Variants in UBTD2 observed in about 807,000 individuals in gnomAD.
The protein encoded by UBTD2 is ubiquitin domain containing 2.
UBTD2 carries 9 observed loss-of-function variants against 19.8 expected under a neutral mutation model. The ratio of observed to expected loss-of-function variants is 0.46; its 90% confidence interval spans 0.27 to 0.79. UBTD2 has a LOEUF of 0.79. UBTD2 is among the 30% of genes least tolerant of loss of function. The pLI is 0.14. For missense variants in UBTD2, 250 were observed against 300.4 expected, an observed-to-expected ratio of 0.83 and a Z score of 1.24; for synonymous variants, 98 against 103.9, an observed-to-expected ratio of 0.94 and a Z score of 0.35.
chr5:172,235,483 G>C (rs1771988790), intron 1 of UBTD2, among the ~76,000 whole-genome samples: 1 of 152,086 alleles, frequency 6.6e-6, no homozygotes, highest in Admixed American at 6.6e-5. Context: ...TTTTTTTGAG[G>C]AACTGGGAGT....
At chr5:172,260,864 G>A (rs754139442) in intron 1 of UBTD2, among the ~76,000 whole-genome samples, 1 of 152,114 alleles carries the variant, frequency 6.6e-6, no homozygotes, top group African/African-American at 2.4e-5. Flanking sequence ...GAACTACTCC[G>A]ATTCATTTAG....
At chr5:172,233,287 T>C (rs952695705) in intron 2 of UBTD2, among the ~76,000 whole-genome samples, 3 of 152,112 alleles carry the variant, frequency 2.0e-5, no homozygotes, top group Non-Finnish European at 4.4e-5. Context: ...ATAGAATCAA[T>C]GCAAGGTGGT....
At position 172,283,716 on chromosome 5, in the gene UBTD2, CCGCCGCCGCCGCTGCAGCCTCCTCCGG is replaced by C. The variant is rs1471959991; in HGVS notation, c.-78_-52del. On this transcript the variant is annotated 5_prime_UTR_variant, in exon 1 of 3. Coordinates refer to ENST00000393792, the MANE Select transcript of UBTD2 (RefSeq NM_152277.3). The surrounding 1 kb of genome is among the most constrained non-coding windows in gnomAD (Gnocchi z 4.3). ...ACCTCCGGACGCTCGTCCGGGCCCG[CCGCCGCCGCCGCTGCAGCCTCCTCCGG>C]CGCCACCGCCGAGCTCCGGACAGGC... 8.5e-7 allele frequency: 1 copy of C among 1,170,822 alleles called. No individual in the cohort carries two copies. The highest frequency in any genetic ancestry group is 1.1e-6 in the Non-Finnish European group (1 of 942,254). 72.5% of individuals were successfully genotyped at this position (1,170,822 alleles called of 1,614,324 possible). A position where few individuals can be genotyped will look rare whatever the true frequency, so the allele number is the denominator to read the frequency against.
intron 1 of UBTD2, among the ~76,000 whole-genome samples, chr5:172,273,443 T>C (rs1755539204): frequency 6.6e-6 from 1 of 151,426 alleles, no homozygotes. Flanking sequence ...ATACAAAAAT[T>C]AGCCAGGTGT....
chr5:172,210,518 T>C lies in UBTD2; in HGVS notation c.*1312A>G, dbSNP rs560654198. 1.3e-5 allele frequency: 2 copies of C among 152,262 alleles called. No homozygotes were observed. The highest frequency in any genetic ancestry group is 2.1e-4 in the South Asian group (1 of 4,824). The allele number at this position is 152,262 out of a possible 1,614,324, so 9.4% of individuals were successfully genotyped here. ...ACTCTTGGCAGCTTTACTCCAGTCA[T>C]AGTATAGAAGAATCAGGTTATCTCC... On this transcript the variant is annotated 3_prime_UTR_variant, in exon 3 of 3. Transcript: ENST00000393792.
chr5:172,238,682 A>G (rs1772059558), intron 1 of UBTD2, among the ~76,000 whole-genome samples: 1 of 152,246 alleles, frequency 6.6e-6, no homozygotes, highest in African/African-American at 2.4e-5. Flanking sequence ...CATAATTTAA[A>G]GCATTCTACC....
intron 1 of UBTD2, among the ~76,000 whole-genome samples, chr5:172,270,995 TTCACATTTCACCTATCTCC>T (rs1755477480): frequency 6.6e-6 from 1 of 152,158 alleles, no homozygotes; most frequent in African/African-American, 2.4e-5. Context: ...TCTTAATAAC[TTCACATTTCACCTATCTCC>T]TCTACAAGCT....
At chr5:172,240,123 A>G (rs769463464) in intron 1 of UBTD2, among the ~76,000 whole-genome samples, 1 of 152,212 alleles carries the variant, frequency 6.6e-6, no homozygotes, top group Non-Finnish European at 1.5e-5. Context: ...GACAAAGGAA[A>G]AGCTAACAAA....
chr5:172,231,027 C>T (rs557862187), intron 2 of UBTD2, among the ~76,000 whole-genome samples: 1 of 152,316 alleles, frequency 6.6e-6, no homozygotes, highest in South Asian at 2.1e-4. Context: ...TCATGATCTG[C>T]CCGCCTCGGC....
At chr5:172,273,361 C>T (rs1755536821) in intron 1 of UBTD2, among the ~76,000 whole-genome samples, 1 of 152,016 alleles carries the variant, frequency 6.6e-6, no homozygotes, top group East Asian at 1.9e-4. Flanking sequence ...GAAGCCAAGG[C>T]GGGTGGATCA....
intron 2 of UBTD2, among the ~76,000 whole-genome samples, chr5:172,212,999 C>T (rs1771479739): frequency 1.4e-5 from 2 of 143,348 alleles, no homozygotes; most frequent in South Asian, 4.5e-4. Flanking sequence ...GGACTTCTTT[C>T]TTTCTTTTTG....
intron 1 of UBTD2, among the ~76,000 whole-genome samples, chr5:172,239,384 T>C (rs1340154195): frequency 6.6e-6 from 1 of 151,886 alleles, no homozygotes; most frequent in East Asian, 2.0e-4. Flanking sequence ...AGCCAGGAGT[T>C]TGAGACCAGC....
In UBTD2 at chr5:172,211,626, G is replaced by C. The variant is rs1771448716; in HGVS notation, c.*204C>G. The stretch of plus-strand genomic sequence containing the variant: ...CAAATTAGAAATTGTAATTACATGA[G>C]TCTCAAAGCCTGGCTCTTTGTGTTT... On this transcript the variant is annotated 3_prime_UTR_variant, in exon 3 of 3. Coordinates refer to ENST00000393792, the MANE Select transcript of UBTD2 (RefSeq NM_152277.3). 2.0e-6 allele frequency: 1 copy of C among 494,448 alleles called. No individual in the cohort carries two copies. The highest frequency in any genetic ancestry group is 3.8e-5 in the Admixed American group (1 of 26,346). 30.6% of individuals were successfully genotyped at this position (494,448 alleles called of 1,614,324 possible). A position where few individuals can be genotyped will look rare whatever the true frequency, so the allele number is the denominator to read the frequency against.
chr5:172,234,147 A>G lies in UBTD2; in HGVS notation c.282T>C (p.Asp94=), dbSNP rs1427817082. 6.2e-7 allele frequency: 1 copy of G among 1,614,200 alleles called. No individual in the cohort carries two copies. The highest frequency in any genetic ancestry group is 2.2e-5 in the East Asian group (1 of 44,878). The stretch of plus-strand genomic sequence containing the variant: ...CATGTGGTAATGTTATGTTTGCACC[A>G]TCAATGATTGCTTGTGCCAGTTCAT... ...NDHELAQAII[D]GANITLPHGA... Residue 94 remains aspartate, a synonymous_variant, in exon 2 of 3, where the codon GAT becomes GAC. Transcript: ENST00000393792.
chr5:172,253,731 C>A (rs1028534028), intron 1 of UBTD2, among the ~76,000 whole-genome samples: 1 of 151,954 alleles, frequency 6.6e-6, no homozygotes, highest in Non-Finnish European at 1.5e-5. Flanking sequence ...GGATTACAGG[C>A]ACGAGCCACT....
At chr5:172,271,055 T>A (rs192808634) in intron 1 of UBTD2, among the ~76,000 whole-genome samples, 7 of 152,278 alleles carry the variant, frequency 4.6e-5, no homozygotes, top group Admixed American at 2.0e-4. Context: ...GCTATGTTTT[T>A]TCGTATCTCT....
chr5:172,239,022 A>G (rs1434609065), intron 1 of UBTD2, among the ~76,000 whole-genome samples: 1 of 152,216 alleles, frequency 6.6e-6, no homozygotes, highest in African/African-American at 2.4e-5. Flanking sequence ...AGAATGCACT[A>G]TATACACACA....
upstream of UBTD2, chr5:172,283,796 C>G: frequency 2.1e-6 from 1 of 480,138 alleles, no homozygotes; most frequent in Non-Finnish European, 2.8e-6. This position sits in a 1 kb window ranked among gnomAD's most constrained non-coding sequence, Gnocchi z 4.3. Flanking sequence ...CGCCGCGGCC[C>G]AGCCTCCGCC....
chr5:172,213,818 C>T lies in UBTD2; in HGVS notation c.308-1591G>A, dbSNP rs541532540. Among the ~76,000 whole-genome samples the T allele has an allele frequency of 2.2e-3, 331 of 152,020 alleles. 1 individual carries two copies. The highest frequency in any genetic ancestry group is 7.4e-3 in the African/African-American group (305 of 41,458). On this transcript the variant is annotated intron_variant, in intron 2 of 2. Coordinates refer to ENST00000393792, the MANE Select transcript of UBTD2 (RefSeq NM_152277.3). ...TTTTCTTTTTTGAGACGGAATTTCA[C>T]TCTTGTTGCCTAGGCTGGAGTGCAA...
Sources: gnomAD v4.1 joint callset for allele counts (sites outside exome capture counted in the v4.1 genomes callset) on GRCh38, gnomAD v4.1.1 for gene constraint, Gnocchi (gnomAD v3.1) non-coding constraint, MANE v1.5 for transcripts, NCBI Gene and HGNC (gene_info 2026-07-23, HGNC 2026-07-21) for gene names.